The following ADRM1 variants were observed in gnomAD, a reference collection of about 807,000 sequenced individuals.
The protein encoded by ADRM1 is ADRM1 26S proteasome ubiquitin receptor.
Under a neutral mutation model 40.1 loss-of-function variants are expected in ADRM1, and 2 were observed. The observed-to-expected ratio is 0.05, with a 90% CI of 0.02 to 0.16. ADRM1 has a LOEUF of 0.16. Among genes scored for constraint, ADRM1 ranks in the 10% least tolerant of loss-of-function variants. ADRM1 has a pLI of 1.00. For missense variants in ADRM1, 467 were observed against 552.5 expected, an observed-to-expected ratio of 0.85 and a Z score of 1.55; for synonymous variants, 287 against 240.4, an observed-to-expected ratio of 1.19 and a Z score of -1.79.
In ADRM1 at chr20:62,308,178, G is replaced by A; in HGVS notation, c.1014G>A (p.Gln338=). The A allele has an allele frequency of 6.2e-7, 1 of 1,600,386 alleles. No homozygotes were observed. The highest frequency in any genetic ancestry group is 8.5e-7 in the Non-Finnish European group (1 of 1,177,372). Reference sequence around the variant, plus strand: ...CCCTGACCTCGCCCCAGTTCCAGCAGGTAGAGGCCGGGCCCAGGGTGTCCT... The same window carrying A: ...CCCTGACCTCGCCCCAGTTCCAGCAAGTAGAGGCCGGGCCCAGGGTGTCCT... The part of the protein sequence containing the change: ...QNTLTSPQFQ[Q]ALGMFSAALA... The change falls in exon 8 of 10, where the codon CAG becomes CAA. Residue 338 remains glutamine, a splice_region_variant and synonymous_variant. Coordinates refer to ENST00000253003, the MANE Select transcript of ADRM1 (RefSeq NM_007002.4).
Position 62,304,597 on chromosome 20 carries a change from G to C in ADRM1, c.330+20G>C. The C allele has an allele frequency of 6.2e-7, 1 of 1,609,908 alleles. No individual in the cohort carries two copies. The highest frequency in any genetic ancestry group is 8.5e-7 in the Non-Finnish European group (1 of 1,176,414). The stretch of plus-strand genomic sequence containing the variant: ...ATGCAGGTATGGGGCAGGCCTTGGG[G>C]TTGTGCCTTTTTGTTGCCCTGCGAT... On this transcript the variant is annotated intron_variant, in intron 3 of 9. Transcript: ENST00000253003.
rs566303102 is a variant in ADRM1, at chr20:62,304,993, AGT to A, written c.330+421_330+422del. On this transcript the variant is annotated intron_variant, in intron 3 of 9. Coordinates refer to ENST00000253003, the MANE Select transcript of ADRM1 (RefSeq NM_007002.4). The stretch of plus-strand genomic sequence containing the variant: ...TCCACAGTCCTGCCCCTTCCCTGGC[AGT>A]GTGTCCTGGAGGCCAGGGGTGTCAG... Among the ~76,000 whole-genome samples the A allele has an allele frequency of 5.4e-4, 82 of 152,326 alleles. 2 individuals are homozygous for A. The South Asian group carries it at 0.017, about 32-fold the overall frequency.
intron 3 of ADRM1, 140 bp downstream of exon 3, chr20:62,304,717 A>AG: frequency 1.2e-6 from 1 of 807,102 alleles, no homozygotes; most frequent in East Asian, 2.6e-5. Context: ...ATGCCACCTC[A>AG]GGGCTGCGGT....
intron 4 of ADRM1, 30 bp downstream of exon 4, chr20:62,306,350 G>T: frequency 6.2e-7 from 1 of 1,612,300 alleles, no homozygotes; most frequent in East Asian, 2.2e-5. Flanking sequence ...CGTGAGCTCA[G>T]GGTTTCCTGG....
chr20:62,306,150 G>A (rs1601237159), intron 3 of ADRM1, 47 bp from the exon 4 acceptor site: 1 of 1,584,806 alleles, frequency 6.3e-7, no homozygotes, highest in Non-Finnish European at 8.6e-7. Flanking sequence ...GGTGGCCCTG[G>A]GTGAGCTGGC....
At chr20:62,306,863 G>T (rs1212589837) in intron 5 of ADRM1, 129 bp downstream of exon 5, 1 of 948,216 alleles carries the variant, frequency 1.1e-6, no homozygotes, top group African/African-American at 1.6e-5. Context: ...CCGCAAGCTG[G>T]TTCCCCTTTG....
chr20:62,306,838 G>A (rs1477031481), intron 5 of ADRM1, 104 bp downstream of exon 5: 3 of 1,152,460 alleles, frequency 2.6e-6, no homozygotes, highest in Non-Finnish European at 2.4e-6. Context: ...GCGTAGTGTC[G>A]GGGAGCCTGT....
intron 2 of ADRM1, 86 bp downstream of exon 2, chr20:62,303,867 G>T: frequency 7.2e-7 from 1 of 1,392,544 alleles, no homozygotes; most frequent in Non-Finnish European, 9.9e-7. Context: ...TGGGGGCTTG[G>T]CCGCATCTGG....
At chr20:62,305,966 A>C (rs953458024) in intron 3 of ADRM1, 11 of 544,622 alleles carry the variant, frequency 2.0e-5, no homozygotes, top group Admixed American at 1.3e-4. Context: ...GGGACAGGGC[A>C]CACCCGGGAT....
In ADRM1 at chr20:62,306,852, T is replaced by C. The variant is rs909230096; in HGVS notation, c.541+118T>C. 3.9e-5 allele frequency: 40 copies of C among 1,012,768 alleles called. No individual in the cohort carries two copies. In the East Asian group the frequency reaches 9.5e-4, roughly 24 times the overall value. The allele number at this position is 1,012,768 out of a possible 1,614,324, so 62.7% of individuals were successfully genotyped here. On this transcript the variant is annotated intron_variant, in intron 5 of 9. Transcript: ENST00000253003. ...TGCGTAGTGTCGGGGAGCCTGTGTG[T>C]CCGCAAGCTGGTTCCCCTTTGGGAA...
chr20:62,303,510 T>G, intron 1 of ADRM1, 58 bp from the exon 2 acceptor site: 1 of 1,517,138 alleles, frequency 6.6e-7, no homozygotes, highest in East Asian at 2.3e-5. Context: ...GGGCGGGAGC[T>G]TGCCGGACCG....
chr20:62,303,518 C>G (rs1330814951), intron 1 of ADRM1, 50 bp from the exon 2 acceptor site: 1 of 1,525,828 alleles, frequency 6.6e-7, no homozygotes, highest in Admixed American at 2.0e-5. Context: ...GCTTGCCGGA[C>G]CGCAGGCGAC....
intron 3 of ADRM1, 77 bp from the exon 4 acceptor site, chr20:62,306,120 C>G: frequency 1.3e-6 from 2 of 1,550,868 alleles, no homozygotes; most frequent in Non-Finnish European, 1.7e-6. Context: ...CACCTGGAAG[C>G]CAGGTCAGAG....
Position 62,306,182 on chromosome 20 carries a change from C to T in ADRM1, c.331-15C>T, listed in dbSNP as rs764235359. 49 of 1,604,594 alleles carry T rather than the reference C, an allele frequency of 3.1e-5. No individual in the cohort carries two copies. Among genetic ancestry groups the T allele is most frequent in the Middle Eastern group, 1.7e-4 (1 of 6,052 alleles). ...TGGCGCCAGCTCCTGCCCTTACATG[C>T]CCTTCCTCTTGCAGGAACCCAAGAC... is the stretch of plus-strand genomic sequence containing the variant. On this transcript the variant is annotated splice_polypyrimidine_tract_variant and intron_variant, in intron 3 of 9. Transcript: ENST00000253003.
At chr20:62,307,479 G>T in intron 6 of ADRM1, 27 bp downstream of exon 6, 1 of 1,605,376 alleles carries the variant, frequency 6.2e-7, no homozygotes. Context: ...CTGCCACGCA[G>T]GTGCCACGGT....
In ADRM1 at chr20:62,307,375, G is replaced by C; in HGVS notation, c.546G>C (p.Gly182=). The change falls in exon 6 of 10, where the codon GGG becomes GGC. Residue 182 remains glycine (G), a synonymous_variant. Transcript: ENST00000253003. The part of the protein sequence containing the change: ...IGPAGLGGLG[G]LGALTGPGLA... ...GCATTTCCTTGCCCCTCGCAGGTGG[G>C]CTGGGGGCCCTGACTGGACCTGGCC... 1 of 1,599,408 alleles carries C rather than the reference G, an allele frequency of 6.3e-7. No individual in the cohort carries two copies. Among genetic ancestry groups the C allele is most frequent in the Non-Finnish European group, 8.5e-7 (1 of 1,175,904 alleles).
Position 62,303,679 on chromosome 20 carries a change from C to G in ADRM1, c.111C>G (p.Thr37=). Residue 37 remains threonine (T), a synonymous_variant, in exon 2 of 10, where the codon ACC becomes ACG. Coordinates refer to ENST00000253003, the MANE Select transcript of ADRM1 (RefSeq NM_007002.4). The part of the protein sequence containing the change: ...RAGKMSLKGT[T]VTPDKRKGLV... ...GAAAGATGTCCCTGAAGGGGACCAC[C>G]GTGACTCCGGATAAGCGGAAAGGGC... The G allele has an allele frequency of 6.2e-7, 1 of 1,612,434 alleles. No individual in the cohort carries two copies. The highest frequency in any genetic ancestry group is 8.5e-7 in the Non-Finnish European group (1 of 1,179,998).
chr20:62,306,882 C>T, intron 5 of ADRM1, 148 bp downstream of exon 5: 1 of 827,760 alleles, frequency 1.2e-6, no homozygotes, highest in Non-Finnish European at 1.9e-6. Flanking sequence ...TGGGAATGCG[C>T]TTGTTTGCCT....
intron 6 of ADRM1, 29 bp from the exon 7 acceptor site, chr20:62,307,567 C>T (rs745429949): frequency 1.5e-5 from 24 of 1,604,260 alleles, no homozygotes; most frequent in African/African-American, 4.0e-5. Flanking sequence ...GGGGCGTGTC[C>T]GCTCCAGCGG....
Sources: gnomAD v4.1 joint callset for allele counts (sites outside exome capture counted in the v4.1 genomes callset) on GRCh38, gnomAD v4.1.1 for gene constraint, MANE v1.5 for transcripts, NCBI Gene and HGNC (gene_info 2026-07-23, HGNC 2026-07-21) for gene names.